Variants in RIMBP2 observed in about 807,000 individuals in gnomAD.
RIMBP2 encodes the protein RIMS-binding protein 2.
A neutral mutation model predicts 118.6 loss-of-function variants in RIMBP2; 48 were observed. The ratio of observed to expected loss-of-function variants is 0.40; its 90% CI spans 0.32 to 0.51. The LOEUF is 0.51. RIMBP2 is among the 20% of genes least tolerant of loss of function. The probability of loss-of-function intolerance (pLI) is 0.41; values close to 1 mark genes in which losing one functional copy is unlikely to be tolerated. For missense variants in RIMBP2, 1,551 were observed against 1,768.3 expected (o/e 0.88, Z 2.20); for synonymous variants, 762 against 742.9 (o/e 1.03, Z -0.42).
intron 4 of RIMBP2, among the ~76,000 whole-genome samples, chr12:130,500,553 A>C (rs1299017465): frequency 2.0e-5 from 3 of 152,216 alleles, no homozygotes; most frequent in Admixed American, 2.0e-4. Flanking sequence ...CGTTGTCTTT[A>C]GCTAAATTGA....
At position 130,580,037 on chromosome 12, in the gene RIMBP2, A is replaced by AAC. The variant is rs1342820056; in HGVS notation, c.-217+48284_-217+48285insGT. On this transcript the variant is annotated intron_variant, in intron 2 of 22. Coordinates refer to ENST00000690449, the MANE Select transcript of RIMBP2 (RefSeq NM_001393629.1). ...GTCTCTACCAAAAATACAAAAAAAA[A>AAC]AAAAAAAAAAATTAGCCGGGCATGG... is the stretch of plus-strand genomic sequence containing the variant. Among the ~76,000 whole-genome samples, 486 of 150,510 alleles carry AAC rather than the reference A, an allele frequency of 3.2e-3. 8 individuals carry two copies. Among genetic ancestry groups the AAC allele is most frequent in the African/African-American group, 0.012 (473 of 41,010 alleles).
intron 2 of RIMBP2, among the ~76,000 whole-genome samples, chr12:130,610,710 G>A (rs933339201): frequency 8.6e-5 from 13 of 151,274 alleles, no homozygotes; most frequent in South Asian, 2.1e-4. Context: ...ACAGGCGCCC[G>A]CTACCACGCC....
At chr12:130,691,996 G>A (rs949742921) in intron 1 of RIMBP2, among the ~76,000 whole-genome samples, 2 of 152,168 alleles carry the variant, frequency 1.3e-5, no homozygotes, top group Non-Finnish European at 2.9e-5. Context: ...AGGGGTCTAA[G>A]GAAAACTGCC....
chr12:130,407,765 G>A lies in RIMBP2; in HGVS notation c.3654C>T (p.Asp1218=). 2 of 1,614,200 alleles carry A rather than the reference G, an allele frequency of 1.2e-6. No individual in the cohort carries two copies. Among genetic ancestry groups the A allele is most frequent in the Non-Finnish European group, 1.7e-6 (2 of 1,180,018 alleles). ...VSTRRMVALY[D]YDPRESSPNV... ...TGGGCGAGCTTTCTCTGGGGTCGTA[G>A]TCATACAGGGCCACCATTCTCCGCG... Residue 1218 remains aspartate (D), a synonymous_variant, in exon 20 of 23, where the codon GAC becomes GAT. Transcript: ENST00000690449.
intron 2 of RIMBP2, among the ~76,000 whole-genome samples, chr12:130,587,621 T>C (rs1385717266): frequency 4.5e-5 from 4 of 89,730 alleles, no homozygotes; most frequent in Non-Finnish European, 8.5e-5. Context: ...TAGGTGGGAA[T>C]TGAACAATGA....
intron 11 of RIMBP2, among the ~76,000 whole-genome samples, chr12:130,439,431 A>G (rs1269116081): frequency 1.4e-5 from 2 of 141,450 alleles, no homozygotes; most frequent in African/African-American, 2.7e-5. Context: ...GTATATGTGT[A>G]TGTGGGTGTG....
intron 1 of RIMBP2, among the ~76,000 whole-genome samples, chr12:130,706,315 G>A (rs997715632): frequency 3.3e-5 from 5 of 152,224 alleles, no homozygotes; most frequent in Non-Finnish European, 7.3e-5. Context: ...ACAATCCGTC[G>A]AGGAGAAGAC....
chr12:130,671,459 C>T lies in RIMBP2; in HGVS notation c.-351-43003G>A, dbSNP rs537667387. 3.3e-5 allele frequency among the ~76,000 whole-genome samples: 5 copies of T among 152,308 alleles called. No individual in the cohort carries two copies. In the East Asian group the frequency reaches 5.8e-4, roughly 18 times the overall value. ...CATTATTGACTGTCTGCCTCCTCTA[C>T]GCCACCACTGGGATTTAAGCCGCAT... On this transcript the variant is annotated intron_variant, in intron 1 of 22. Coordinates refer to ENST00000690449, the MANE Select transcript of RIMBP2 (RefSeq NM_001393629.1).
At chr12:130,640,710 C>T (rs765467486) in intron 1 of RIMBP2, among the ~76,000 whole-genome samples, 12 of 152,262 alleles carry the variant, frequency 7.9e-5, no homozygotes, top group Non-Finnish European at 1.0e-4. Context: ...AAAGACAAGG[C>T]GTGGGGATTT....
intron 14 of RIMBP2, chr12:130,428,879 C>T (rs1260770413): frequency 2.0e-5 from 3 of 152,448 alleles, no homozygotes; most frequent in Non-Finnish European, 2.9e-5. Context: ...GGGCAGATCA[C>T]AAGGTCAGGA....
chr12:130,612,744 C>T (rs1442419743), intron 2 of RIMBP2, among the ~76,000 whole-genome samples: 2 of 152,206 alleles, frequency 1.3e-5, no homozygotes, highest in East Asian at 3.9e-4. Context: ...ACCGTGTGGA[C>T]ATCACCGCAG....
chr12:130,505,276 C>T (rs1298400864), intron 4 of RIMBP2, among the ~76,000 whole-genome samples: 1 of 152,064 alleles, frequency 6.6e-6, no homozygotes. Context: ...CTTTGCTAAT[C>T]GAGATGGCAT....
At chr12:130,477,595 A>G (rs1269693469) in intron 5 of RIMBP2, among the ~76,000 whole-genome samples, 1 of 152,180 alleles carries the variant, frequency 6.6e-6, no homozygotes, top group African/African-American at 2.4e-5. Flanking sequence ...TGAAGTTCCC[A>G]TCAGCGCTGG....
chr12:130,659,664 GA>G (rs533664766), intron 1 of RIMBP2, among the ~76,000 whole-genome samples: 2 of 149,868 alleles, frequency 1.3e-5, no homozygotes, highest in South Asian at 4.2e-4. Flanking sequence ...AACATGGAAT[GA>G]ATTAATAATT....
At position 130,438,522 on chromosome 12, in the gene RIMBP2, AG is replaced by A. The variant is rs760578553; in HGVS notation, c.1505-7del. On this transcript the variant is annotated splice_region_variant and splice_polypyrimidine_tract_variant and intron_variant, in intron 11 of 22. Coordinates refer to ENST00000690449, the MANE Select transcript of RIMBP2 (RefSeq NM_001393629.1). ...TTGTGGGGGTGCTGGGGGTCCTGGG[AG>A]GGGACAGAAGGGAACGGAGGCGTTC... The A allele has an allele frequency of 4.4e-6, 7 of 1,589,528 alleles. No homozygotes were observed. The Admixed American group carries it at 1.2e-4, about 27-fold the overall frequency.
At chr12:130,503,645 A>G (rs1221317954) in intron 4 of RIMBP2, among the ~76,000 whole-genome samples, 1 of 152,188 alleles carries the variant, frequency 6.6e-6, no homozygotes, top group African/African-American at 2.4e-5. Context: ...CTCTAACATA[A>G]CATTCCGAGT....
intron 3 of RIMBP2, among the ~76,000 whole-genome samples, chr12:130,507,095 A>G (rs915258332): frequency 2.0e-5 from 3 of 152,196 alleles, no homozygotes; most frequent in Non-Finnish European, 2.9e-5. Flanking sequence ...GGGAAGTCAC[A>G]TGACCCAGTT....
At chr12:130,637,109 A>G (rs368385371) in intron 1 of RIMBP2, among the ~76,000 whole-genome samples, 2 of 151,922 alleles carry the variant, frequency 1.3e-5, no homozygotes, top group East Asian at 1.9e-4. Context: ...AAAATTCCAC[A>G]CTCCACAGCC....
chr12:130,478,265 A>C (rs2081614334), intron 5 of RIMBP2, among the ~76,000 whole-genome samples: 2 of 151,730 alleles, frequency 1.3e-5, no homozygotes, highest in South Asian at 4.2e-4. Flanking sequence ...TTCCTTTCTT[A>C]CTGGGATCCG....
Sources: gnomAD v4.1 joint callset for allele counts (sites outside exome capture counted in the v4.1 genomes callset) on GRCh38, gnomAD v4.1.1 for gene constraint, MANE v1.5 for transcripts, NCBI Gene and HGNC (gene_info 2026-07-23, HGNC 2026-07-21) for gene names.